The following CHD6 variants were observed in gnomAD, a reference collection of about 807,000 sequenced individuals.
CHD6 encodes the protein chromodomain helicase DNA binding protein 6, also known as ATP-dependent chromatin remodeler CHD6.
Under a neutral mutation model 276.9 loss-of-function variants are expected in CHD6, and 50 were observed. That is an observed-to-expected ratio of 0.18 (90% CI 0.14 to 0.23). The LOEUF is 0.23. CHD6 is among the 10% of genes least tolerant of loss of function. The pLI, the probability that CHD6 is intolerant of heterozygous loss-of-function variation, is 1.00. For synonymous variants in CHD6, 1,173 were observed against 1,229.3 expected, an observed-to-expected ratio of 0.95 and a Z score of 0.96; for missense variants, 2,564 against 3,365.8, an observed-to-expected ratio of 0.76 and a Z score of 5.89.
intron 1 of CHD6, among the ~76,000 whole-genome samples, chr20:41,577,764 A>G (rs2045490439): frequency 1.3e-5 from 2 of 152,252 alleles, no homozygotes; most frequent in Admixed American, 6.5e-5. Context: ...TAATAGAGAC[A>G]CTAGACAATC....
Position 41,426,098 on chromosome 20 carries a change from C to T in CHD6, c.4124G>A (p.Arg1375Gln), listed in dbSNP as rs565928467. The T allele has an allele frequency of 5.3e-5, 85 of 1,609,310 alleles. No homozygotes were observed. In the East Asian group the frequency reaches 1.2e-3, roughly 23 times the overall value. ...GVFSEKKDDS[R>Q]AAQDGSDPDK... ...TCAGAAGGACATAGTCTCACCTGCC[C>T]GGCTGTCATCCTTCTTTTCGCTAAA... The change falls in exon 28 of 37, where the codon CGG becomes CAG. Residue 1375 changes from arginine (R) to glutamine (Q), a missense_variant. By Grantham distance (43) the Arg-to-Gln change is conservative (BLOSUM62 1). This residue lies in a region of CHD6 where 515 missense variants were observed against 739.5 expected (regional missense o/e 0.70). Transcript: ENST00000373233.
chr20:41,469,019 A>G (rs1724684368), intron 17 of CHD6, among the ~76,000 whole-genome samples: 1 of 152,088 alleles, frequency 6.6e-6, no homozygotes, highest in South Asian at 2.1e-4. Context: ...GGTAAGAAAT[A>G]GGGGGTGCAA....
At chr20:41,461,993 G>C (rs2048564299) in intron 17 of CHD6, 1 of 152,202 alleles carries the variant, frequency 6.6e-6, no homozygotes, top group Non-Finnish European at 1.5e-5. Flanking sequence ...AAGTGGCTAA[G>C]AAACAGTCCA....
intron 27 of CHD6, among the ~76,000 whole-genome samples, chr20:41,427,685 C>T (rs1274738260): frequency 6.6e-6 from 1 of 152,190 alleles, no homozygotes; most frequent in Non-Finnish European, 1.5e-5. Flanking sequence ...AGCTAACCTC[C>T]TTTGCCTGGG....
chr20:41,425,028 A>G (rs1258622846), intron 29 of CHD6, 150 bp downstream of exon 29: 1 of 644,596 alleles, frequency 1.6e-6, no homozygotes, highest in Non-Finnish European at 2.8e-6. Flanking sequence ...TGATACCATC[A>G]CAACTGAAGG....
intron 1 of CHD6, among the ~76,000 whole-genome samples, chr20:41,571,648 G>T (rs766665938): frequency 6.6e-6 from 1 of 151,186 alleles, no homozygotes; most frequent in African/African-American, 2.4e-5. Context: ...GAATGAATTA[G>T]ATATCTATTT....
chr20:41,529,438 G>C (rs1272806538), intron 3 of CHD6, among the ~76,000 whole-genome samples: 1 of 152,120 alleles, frequency 6.6e-6, no homozygotes, highest in Non-Finnish European at 1.5e-5. Context: ...CCTTAGACAA[G>C]TCACTTCTCT....
chr20:41,513,404 A>G (rs2044168614), intron 4 of CHD6, among the ~76,000 whole-genome samples: 1 of 152,174 alleles, frequency 6.6e-6, no homozygotes, highest in African/African-American at 2.4e-5. Context: ...TGACATGATG[A>G]CAGTTTTATT....
At chr20:41,458,925 T>C (rs985629405) in intron 17 of CHD6, among the ~76,000 whole-genome samples, 4 of 152,080 alleles carry the variant, frequency 2.6e-5, no homozygotes, top group Non-Finnish European at 5.9e-5. Context: ...CAGTAAGACA[T>C]GTGGCCCTTG....
At chr20:41,433,987 T>C (rs1280768421) in intron 27 of CHD6, among the ~76,000 whole-genome samples, 1 of 152,150 alleles carries the variant, frequency 6.6e-6, no homozygotes, top group African/African-American at 2.4e-5. Context: ...AATACTCATG[T>C]AAACCAGAGG....
At chr20:41,478,633 C>T (rs1047324590) in intron 16 of CHD6, among the ~76,000 whole-genome samples, 1 of 152,176 alleles carries the variant, frequency 6.6e-6, no homozygotes, top group Admixed American at 6.5e-5. Flanking sequence ...TGGGTATAAA[C>T]TCTGCCCAAG....
chr20:41,485,293 G>C (rs1301856337), intron 14 of CHD6, among the ~76,000 whole-genome samples: 1 of 151,774 alleles, frequency 6.6e-6, no homozygotes, highest in African/African-American at 2.4e-5. Flanking sequence ...CCCCCTCCCA[G>C]TGAGACAATG....
intron 27 of CHD6, among the ~76,000 whole-genome samples, chr20:41,435,591 G>T (rs1231904396): frequency 7.3e-6 from 1 of 136,470 alleles, no homozygotes; most frequent in East Asian, 2.2e-4. Flanking sequence ...GTGAAAGAGT[G>T]AGACCCTGAG....
chr20:41,450,553 C>G (rs2048205861), intron 23 of CHD6, among the ~76,000 whole-genome samples: 1 of 151,762 alleles, frequency 6.6e-6, no homozygotes, highest in South Asian at 2.1e-4. Context: ...TATCAAATAA[C>G]TGAAGGCCAT....
At chr20:41,603,002 T>C (rs2045788660) in intron 1 of CHD6, among the ~76,000 whole-genome samples, 1 of 152,060 alleles carries the variant, frequency 6.6e-6, no homozygotes, top group South Asian at 2.1e-4. Flanking sequence ...TTTAAAAGAT[T>C]AGAGAATAGA....
At chr20:41,616,104 G>A (rs1442271739) in intron 1 of CHD6, among the ~76,000 whole-genome samples, 1 of 152,134 alleles carries the variant, frequency 6.6e-6, no homozygotes, top group Non-Finnish European at 1.5e-5. Context: ...AACTGCCAAA[G>A]GTTCTTCCAG....
At chr20:41,489,187 G>A (rs568186646) in intron 12 of CHD6, among the ~76,000 whole-genome samples, 5 of 152,166 alleles carry the variant, frequency 3.3e-5, no homozygotes, top group Non-Finnish European at 7.3e-5. Context: ...TGTCTCTGCT[G>A]TTTTTGAAAC....
At chr20:41,422,258 A>G (rs2047219049) in intron 30 of CHD6, among the ~76,000 whole-genome samples, 179 bp from the exon 31 acceptor site, 1 of 152,168 alleles carries the variant, frequency 6.6e-6, no homozygotes, top group Non-Finnish European at 1.5e-5. Flanking sequence ...GCTTTTATGA[A>G]ACAAGGACAG....
chr20:41,411,005 C>T (rs1003541303), intron 36 of CHD6, among the ~76,000 whole-genome samples: 1 of 152,076 alleles, frequency 6.6e-6, no homozygotes, highest in Non-Finnish European at 1.5e-5. Context: ...GCTCGTACTG[C>T]TCACGCAAGT....
Sources: allele counts gnomAD v4.1 joint callset (sites outside exome capture counted in the v4.1 genomes callset), GRCh38; gene constraint gnomAD v4.1.1; regional missense constraint gnomAD v4.1.1; transcripts MANE v1.5; gene names NCBI Gene and HGNC (gene_info 2026-07-23, HGNC 2026-07-21).